TRABD2A: variants seen among roughly 807,000 people sequenced by gnomAD.
The protein encoded by TRABD2A is metalloprotease TIKI1.
Under a neutral mutation model 45.6 loss-of-function variants are expected in TRABD2A, and 43 were observed. That is an observed-to-expected ratio of 0.94 (90% confidence interval 0.74 to 1.22). TRABD2A has a LOEUF of 1.22. TRABD2A is among the 50% of genes most tolerant of loss of function. TRABD2A has a pLI of 0.00. For synonymous variants in TRABD2A, 269 were observed against 265.0 expected (o/e 1.02, Z -0.15); for missense variants, 642 against 652.4 (o/e 0.98, Z 0.17).
chr2:84,824,203 C>T lies in TRABD2A; in HGVS notation c.1084G>A (p.Gly362Arg). Residue 362 changes from glycine to arginine, a missense_variant and splice_region_variant, in exon 6 of 7, where the codon GGG (glycine) becomes AGG (arginine). Gly to Arg is a moderately radical substitution (Grantham distance 125). Coordinates refer to ENST00000409520, the MANE Select transcript of TRABD2A (RefSeq NM_001277053.2). ...HAPAGRPIHK[G>R]KSKKTSTRPT... ...CGTGTGGAGGTCTTTTTACTCTTCC[C>T]TCTGTACGCAAGTGGAAGGAGAAGG... The T allele has an allele frequency of 6.2e-7, 1 of 1,613,852 alleles. No individual in the cohort carries two copies. Among genetic ancestry groups the T allele is most frequent in the East Asian group, 2.2e-5 (1 of 44,880 alleles).
chr2:84,849,129 T>A lies in TRABD2A; in HGVS notation c.670-7122A>T, dbSNP rs541027187. Among the ~76,000 whole-genome samples, 303 of 152,232 alleles carry A rather than the reference T, an allele frequency of 2.0e-3. 2 individuals are homozygous for A. The highest frequency in any genetic ancestry group is 3.4e-3 in the Non-Finnish European group (231 of 68,002). On this transcript the variant is annotated intron_variant, in intron 2 of 6. Coordinates refer to ENST00000409520, the MANE Select transcript of TRABD2A (RefSeq NM_001277053.2). ...AAACCCCTTGCTGCAGACCCCCAGA[T>A]GTATCCCCTACTGTCCCAACCCAAA...
In TRABD2A at chr2:84,863,239, C is replaced by CTTTTTTTTTTTTT. The variant is rs773927512; in HGVS notation, c.669+6973_669+6985dup. ...CCAAAAGGTTAGACTTCATGTGAAT[C>CTTTTTTTTTTTTT]TTTTTTTTTTTTTTTTTTTTTTTGA... On this transcript the variant is annotated intron_variant, in intron 2 of 6. Transcript: ENST00000409520. Among the ~76,000 whole-genome samples, 26 of 98,136 alleles carry CTTTTTTTTTTTTT rather than the reference C, an allele frequency of 2.6e-4. 1 individual carries two copies. The highest frequency in any genetic ancestry group is 9.3e-4 in the African/African-American group (21 of 22,662). 64.4% of individuals were successfully genotyped at this position (98,136 alleles called of 152,430 possible). A position where few individuals can be genotyped will look rare whatever the true frequency, so the allele number is the denominator to read the frequency against.
intron 1 of TRABD2A, among the ~76,000 whole-genome samples, chr2:84,878,418 A>G (rs1683102537): frequency 1.3e-5 from 2 of 151,712 alleles, no homozygotes; most frequent in Non-Finnish European, 2.9e-5. Context: ...CCAGCTGCTC[A>G]GGAGGCTGAG....
chr2:84,839,356 G>A, intron 3 of TRABD2A, 33 bp from the exon 4 acceptor site: 2 of 1,550,576 alleles, frequency 1.3e-6, no homozygotes, highest in East Asian at 2.4e-5. Context: ...AAAAATAAGG[G>A]GCAACAGAGT....
chr2:84,827,179 T>G (rs1220318995), intron 5 of TRABD2A, among the ~76,000 whole-genome samples: 1 of 152,214 alleles, frequency 6.6e-6, no homozygotes, highest in African/African-American at 2.4e-5. Flanking sequence ...CCACAAAAGC[T>G]AAGCCCATGG....
At chr2:84,825,737 C>G (rs959937064) in intron 5 of TRABD2A, among the ~76,000 whole-genome samples, 2 of 152,164 alleles carry the variant, frequency 1.3e-5, no homozygotes. Flanking sequence ...CTGTTAGGAA[C>G]TGGGCCACAC....
At chr2:84,863,693 C>T (rs1433697022) in intron 2 of TRABD2A, among the ~76,000 whole-genome samples, 2 of 141,314 alleles carry the variant, frequency 1.4e-5, no homozygotes, top group South Asian at 2.3e-4. Flanking sequence ...CTCACTGCAA[C>T]CTCTGCCCTC....
chr2:84,862,903 T>C (rs1284873234), intron 2 of TRABD2A, among the ~76,000 whole-genome samples: 1 of 149,014 alleles, frequency 6.7e-6, no homozygotes, highest in Non-Finnish European at 1.5e-5. Flanking sequence ...TTTTCTGCTC[T>C]GCTCAAAAAA....
chr2:84,841,910 T>C lies in TRABD2A; in HGVS notation c.767A>G (p.Tyr256Cys), dbSNP rs780314322. Residue 256 changes from tyrosine (Y) to cysteine (C), a missense_variant, in exon 3 of 7, where the codon TAT becomes TGT. Tyr to Cys is a radical substitution (Grantham distance 194). Coordinates refer to ENST00000409520, the MANE Select transcript of TRABD2A (RefSeq NM_001277053.2). Reference protein sequence around the residue: ...PYTTEDLIKHYNCGDLSSVIL... With the variant: ...PYTTEDLIKHCNCGDLSSVIL... ...GACGGAGCTGAGGTCCCCGCAGTTA[T>C]AGTGTTTGATGAGATCCTCCGTCGT... 8 of 1,548,424 alleles carry C rather than the reference T, an allele frequency of 5.2e-6. No individual in the cohort carries two copies. The highest frequency in any genetic ancestry group is 2.0e-5 in the Admixed American group (1 of 50,708).
At chr2:84,839,439 T>A in intron 3 of TRABD2A, 116 bp from the exon 4 acceptor site, 1 of 983,532 alleles carries the variant, frequency 1.0e-6, no homozygotes, top group Non-Finnish European at 1.5e-6. Context: ...AAGAGAAGAG[T>A]GACACCATTC....
In TRABD2A at chr2:84,832,068, G is replaced by A. The variant is rs751419080; in HGVS notation, c.1069C>T (p.Arg357Ter). ...GYEVEHAPAG[R>*]PIHKGKSKKT... ...CAGGACGGTTACTTGTGGATGGGTCGTCCAGCAGGGGCGTGTTCTACCTCA... is the reference window on the plus strand; with the variant it reads ...CAGGACGGTTACTTGTGGATGGGTCATCCAGCAGGGGCGTGTTCTACCTCA... Residue 357 changes from arginine to a stop codon, truncating the protein, a stop_gained, in exon 5 of 7, where the codon CGA becomes TGA. Transcript: ENST00000409520. LOFTEE classifies it high-confidence loss of function. 41 of 1,613,312 alleles carry A rather than the reference G, an allele frequency of 2.5e-5. No individual in the cohort carries two copies. The Admixed American group carries it at 2.7e-4, about 10-fold the overall frequency.
chr2:84,834,507 AT>A (rs1287268873), intron 4 of TRABD2A: 9 of 152,384 alleles, frequency 5.9e-5, no homozygotes, highest in African/African-American at 2.2e-4. Flanking sequence ...TATTCAGAAA[AT>A]CATGCAATCA....
chr2:84,854,433 T>A (rs1328198614), intron 2 of TRABD2A, among the ~76,000 whole-genome samples: 3 of 152,196 alleles, frequency 2.0e-5, no homozygotes, highest in Non-Finnish European at 4.4e-5. Context: ...ATTTATTCTT[T>A]ACTACAAACT....
chr2:84,854,110 C>CA (rs1384009109), intron 2 of TRABD2A, among the ~76,000 whole-genome samples: 1 of 150,628 alleles, frequency 6.6e-6, no homozygotes, highest in African/African-American at 2.4e-5. Context: ...TTTTTAAAAA[C>CA]AAAAATACAG....
Position 84,832,090 on chromosome 2 carries a change from C to T in TRABD2A, c.1047G>A (p.Glu349=), listed in dbSNP as rs1190894957. ...VLDVLRREGY[E]VEHAPAGRPI... is the part of the protein sequence containing the mutation. ...GTCGTCCAGCAGGGGCGTGTTCTAC[C>T]TCATAGCCTTCACGCCGCAAAACAT... is the stretch of plus-strand genomic sequence containing the variant. The change falls in exon 5 of 7, where the codon GAG becomes GAA. Residue 349 remains glutamate, a synonymous_variant. Coordinates refer to ENST00000409520, the MANE Select transcript of TRABD2A (RefSeq NM_001277053.2). 1.9e-6 allele frequency: 3 copies of T among 1,614,024 alleles called. No homozygotes were observed. The highest frequency in any genetic ancestry group is 2.2e-5 in the East Asian group (1 of 44,886).
Position 84,867,739 on chromosome 2 carries a change from GA to G in TRABD2A, c.669+2485del, listed in dbSNP as rs963916554. 2.0e-5 allele frequency among the ~76,000 whole-genome samples: 3 copies of G among 152,020 alleles called. 1 individual carries two copies. The South Asian group carries it at 6.2e-4, about 32-fold the overall frequency. ...ACAAAGAACTCAAACAAATTTACAA[GA>G]AAAAAACAAACAACCCCATCACAAA... On this transcript the variant is annotated intron_variant, in intron 2 of 6. Coordinates refer to ENST00000409520, the MANE Select transcript of TRABD2A (RefSeq NM_001277053.2).
At chr2:84,842,111 T>C (rs1044798564) in intron 2 of TRABD2A, 104 bp from the exon 3 acceptor site, 1 of 1,233,234 alleles carries the variant, frequency 8.1e-7, no homozygotes, top group Non-Finnish European at 1.1e-6. Flanking sequence ...GTGCTCGTTA[T>C]GTAAGGACGT....
intron 1 of TRABD2A, among the ~76,000 whole-genome samples, chr2:84,875,258 G>A (rs995403820): frequency 8.5e-5 from 13 of 152,220 alleles, no homozygotes; most frequent in Non-Finnish European, 1.9e-4. Flanking sequence ...TCTAAGCCTT[G>A]CCGTGAAGGA....
intron 4 of TRABD2A, chr2:84,834,299 A>G (rs1681431153): frequency 6.6e-6 from 1 of 152,246 alleles, no homozygotes; most frequent in Non-Finnish European, 1.5e-5. Context: ...GGACTTACAG[A>G]AGAAGAAAAC....
Sources: gnomAD v4.1 joint callset for allele counts (sites outside exome capture counted in the v4.1 genomes callset) on GRCh38, gnomAD v4.1.1 for gene constraint, MANE v1.5 for transcripts, NCBI Gene and HGNC (gene_info 2026-07-23, HGNC 2026-07-21) for gene names.